GLIS3: variants seen among roughly 807,000 people sequenced by gnomAD.
GLIS3 encodes GLIS family zinc finger 3.
Under a neutral mutation model 78.6 loss-of-function variants are expected in GLIS3, and 53 were observed. The observed-to-expected ratio is 0.67, with a 90% CI of 0.54 to 0.85. The LOEUF (loss-of-function observed/expected upper bound fraction) is 0.85, where lower values mean the gene tolerates loss of function less well. GLIS3 is among the 40% of genes least tolerant of loss of function. The pLI is 0.00. For synonymous variants in GLIS3, 684 were observed against 509.9 expected, an observed-to-expected ratio of 1.34 and a Z score of -4.60; for missense variants, 1,703 against 1,231.1, an observed-to-expected ratio of 1.38 and a Z score of -5.74.
intron 7 of GLIS3, among the ~76,000 whole-genome samples, chr9:3,897,492 T>C (rs1822939667): frequency 6.6e-6 from 1 of 152,272 alleles, no homozygotes; most frequent in East Asian, 1.9e-4. Context: ...ACACTGCACA[T>C]TGATATATTT....
intron 2 of GLIS3, among the ~76,000 whole-genome samples, chr9:4,263,558 T>TCATTCATC (rs774230737): frequency 3.1e-4 from 47 of 152,302 alleles, no homozygotes; most frequent in Admixed American, 1.7e-3. Flanking sequence ...ATTCATTCAT[T>TCATTCATC]CATTCATCCA....
At chr9:4,386,023 T>A in the GLIS3 span, among the ~76,000 whole-genome samples, 1 of 152,234 alleles carries the variant, frequency 6.6e-6, no homozygotes, top group Non-Finnish European at 1.5e-5. Context: ...CTTTGCTGCC[T>A]CATCACTCAT....
intron 1 of GLIS3, chr9:4,298,333 G>C (rs1816779934): frequency 2.2e-6 from 1 of 455,536 alleles, no homozygotes; most frequent in Admixed American, 2.4e-5. Context: ...AAGTCGGAGG[G>C]CGCGAACGCG....
At position 3,829,418 on chromosome 9, in the gene GLIS3, A is replaced by C; in HGVS notation, c.2548T>G (p.Ser850Ala). The C allele has an allele frequency of 6.2e-7, 1 of 1,614,122 alleles. No individual in the cohort carries two copies. The highest frequency in any genetic ancestry group is 8.5e-7 in the Non-Finnish European group (1 of 1,180,000). The change falls in exon 10 of 11, where the codon TCC (serine) becomes GCC (alanine). Residue 850 changes from serine (S) to alanine (A), a missense_variant. Coordinates refer to ENST00000381971, the MANE Select transcript of GLIS3 (RefSeq NM_001042413.2). ...DSQRIVPPVS[S>A]CSVVPSFEDC... ...TCAAACGAAGGCACCACACTGCAGG[A>C]GCTGACAGGCGGCACAATTCTCTGG...
intron 4 of GLIS3, among the ~76,000 whole-genome samples, chr9:3,942,545 T>C (rs538955048): frequency 1.3e-5 from 2 of 152,322 alleles, no homozygotes; most frequent in African/African-American, 4.8e-5. Context: ...AAGTGAAAGA[T>C]TACTTCTGTG....
the GLIS3 span, among the ~76,000 whole-genome samples, chr9:4,404,627 C>T: frequency 6.6e-6 from 1 of 152,094 alleles, no homozygotes; most frequent in African/African-American, 2.4e-5. Context: ...ACCTGTGAGT[C>T]AGTGAAGAAA....
chr9:4,317,206 C>G (rs188836591), intron 2 of GLIS3, among the ~76,000 whole-genome samples: 4 of 152,322 alleles, frequency 2.6e-5, no homozygotes, highest in Admixed American at 2.0e-4. Flanking sequence ...GTCTTTACAT[C>G]AGAAATGAGG....
intron 2 of GLIS3, among the ~76,000 whole-genome samples, chr9:4,211,869 C>T (rs1820405072): frequency 6.6e-6 from 1 of 152,244 alleles, no homozygotes; most frequent in South Asian, 2.1e-4. Flanking sequence ...ATACATGCTA[C>T]AGCATGGATT....
chr9:4,286,612 G>T, intron 1 of GLIS3, 89 bp from the exon 2 acceptor site: 1 of 696,336 alleles, frequency 1.4e-6, no homozygotes, highest in South Asian at 1.8e-5. Flanking sequence ...CATTCATAAG[G>T]AAGAAAAGCA....
intron 9 of GLIS3, among the ~76,000 whole-genome samples, chr9:3,831,622 G>C (rs1299820209): frequency 6.6e-6 from 1 of 152,200 alleles, no homozygotes; most frequent in Non-Finnish European, 1.5e-5. Flanking sequence ...TTCTGATAAA[G>C]TATCCTGAAA....
At chr9:4,284,370 G>A (rs1290671800) in intron 2 of GLIS3, among the ~76,000 whole-genome samples, 2 of 152,142 alleles carry the variant, frequency 1.3e-5, no homozygotes, top group African/African-American at 4.8e-5. Flanking sequence ...GCAAGCTACG[G>A]TTCACTAGTC....
intron 2 of GLIS3, among the ~76,000 whole-genome samples, chr9:4,256,268 C>A (rs1032565207): frequency 6.6e-6 from 1 of 152,022 alleles, no homozygotes; most frequent in Non-Finnish European, 1.5e-5. Flanking sequence ...CCTTTTAGAT[C>A]TTTGTATCAT....
At chr9:4,198,352 A>C (rs1252526137) in intron 2 of GLIS3, among the ~76,000 whole-genome samples, 2 of 152,206 alleles carry the variant, frequency 1.3e-5, no homozygotes, top group African/African-American at 4.8e-5. Context: ...CAAATTCCTT[A>C]CATGAGTTTC....
At chr9:4,217,439 C>A (rs1482346519) in intron 2 of GLIS3, among the ~76,000 whole-genome samples, 1 of 152,186 alleles carries the variant, frequency 6.6e-6, no homozygotes, top group Non-Finnish European at 1.5e-5. Context: ...CAAGCGGGGA[C>A]ATCATGGGCA....
the GLIS3 span, among the ~76,000 whole-genome samples, chr9:4,416,739 G>A: frequency 6.7e-6 from 1 of 149,708 alleles, no homozygotes; most frequent in Admixed American, 6.7e-5. Flanking sequence ...TGACAGACTC[G>A]CCTCCACTAA....
the GLIS3 span, among the ~76,000 whole-genome samples, chr9:4,423,204 C>A: frequency 6.6e-6 from 1 of 152,170 alleles, no homozygotes; most frequent in Non-Finnish European, 1.5e-5. Context: ...TATCAGAGAA[C>A]CTCCTCAGGT....
rs80325106 is a variant in GLIS3, at chr9:4,027,376, G to C, written c.1711-90187C>G. On this transcript the variant is annotated intron_variant, in intron 4 of 10. Transcript: ENST00000381971. ...GTTTTGCTAAAATAGTTCACAATTG[G>C]ACATACTAGGATGCTTTTCTCATTC... 8.8e-3 allele frequency among the ~76,000 whole-genome samples: 1,333 copies of C among 152,232 alleles called. 9 individuals are homozygous for C. The highest frequency in any genetic ancestry group is 0.016 in the Admixed American group (243 of 15,290).
intron 9 of GLIS3, among the ~76,000 whole-genome samples, chr9:3,849,707 A>T (rs1369121787): frequency 6.6e-6 from 1 of 152,188 alleles, no homozygotes; most frequent in Non-Finnish European, 1.5e-5. Context: ...CAGAAGTTCA[A>T]GACCAGTCTG....
intron 2 of GLIS3, among the ~76,000 whole-genome samples, chr9:4,185,438 G>C (rs923351887): frequency 6.6e-6 from 1 of 152,092 alleles, no homozygotes; most frequent in Non-Finnish European, 1.5e-5. Context: ...TCTTTGTGTT[G>C]ACGTACTAAT....
Sources: allele counts gnomAD v4.1 joint callset (sites outside exome capture counted in the v4.1 genomes callset), GRCh38; gene constraint gnomAD v4.1.1; transcripts MANE v1.5; gene names NCBI Gene and HGNC (gene_info 2026-07-23, HGNC 2026-07-21).